Variants in CHRNB2 observed in about 807,000 individuals in gnomAD.
The protein encoded by CHRNB2 is neuronal acetylcholine receptor subunit beta-2.
Under a neutral mutation model 42.7 loss-of-function variants are expected in CHRNB2, and 33 were observed. That is an observed-to-expected ratio of 0.77 (90% CI 0.59 to 1.03). The LOEUF (loss-of-function observed/expected upper bound fraction) is 1.03, where lower values mean the gene tolerates loss of function less well. Among genes scored for constraint, CHRNB2 ranks in the 50% least tolerant of loss-of-function variants. The pLI is 0.00. For synonymous variants in CHRNB2, 325 were observed against 292.9 expected (o/e 1.11, Z -1.12); for missense variants, 603 against 700.9 (o/e 0.86, Z 1.58).
chr1:154,569,871 G>A, intron 3 of CHRNB2, 35 bp downstream of exon 3: 3 of 1,612,842 alleles, frequency 1.9e-6, no homozygotes, highest in Non-Finnish European at 2.5e-6. Context: ...CCACACCCCT[G>A]GCCTTCTCTC....
At position 154,572,118 on chromosome 1, in the gene CHRNB2, G is replaced by T. The variant is rs747248135; in HGVS notation, c.1295G>T (p.Arg432Leu). ...CTCCGGGAGGCGGTGGACGGCGTGC[G>T]CTTCATCGCAGACCACATGCGGAGC... Reference protein sequence around the residue: ...CGLREAVDGVRFIADHMRSED... With the variant: ...CGLREAVDGVLFIADHMRSED... The change falls in exon 5 of 6, where the codon CGC becomes CTC. Residue 432 changes from arginine to leucine, a missense_variant. By Grantham distance (102) the Arg-to-Leu change is moderately radical (BLOSUM62 -2). This residue lies in a region of CHRNB2 where 270 missense variants were observed against 248.3 expected (regional missense o/e 1.09). Coordinates refer to ENST00000368476, the MANE Select transcript of CHRNB2 (RefSeq NM_000748.3). 1.2e-5 allele frequency: 19 copies of T among 1,537,498 alleles called. No individual in the cohort carries two copies. The highest frequency in any genetic ancestry group is 1.7e-5 in the Non-Finnish European group (19 of 1,146,650).
chr1:154,570,191 T>C, intron 3 of CHRNB2, 67 bp from the exon 4 acceptor site: 1 of 1,063,756 alleles, frequency 9.4e-7, no homozygotes, highest in South Asian at 1.3e-5. Context: ...CCCCTCTAGT[T>C]CGTTTCCTTA....
At chr1:154,573,005 C>A (rs1293231295) in intron 5 of CHRNB2, among the ~76,000 whole-genome samples, 2 of 152,198 alleles carry the variant, frequency 1.3e-5, no homozygotes, top group East Asian at 1.9e-4. Context: ...CAGGCTGAGG[C>A]TCAGCTGTTG....
chr1:154,570,345 C>T lies in CHRNB2; in HGVS notation c.343C>T (p.Pro115Ser). 6.2e-7 allele frequency: 1 copy of T among 1,610,346 alleles called. No individual in the cohort carries two copies. The highest frequency in any genetic ancestry group is 8.5e-7 in the Non-Finnish European group (1 of 1,177,672). Residue 115 changes from proline (P) to serine (S), a missense_variant, in exon 4 of 6, where the codon CCA (proline) becomes TCA (serine). Physicochemically the swap from Pro to Ser is moderately conservative, Grantham distance 74 (BLOSUM62 -1). Coordinates refer to ENST00000368476, the MANE Select transcript of CHRNB2 (RefSeq NM_000748.3). The part of the protein sequence containing the change: ...VRLPSKHIWL[P>S]DVVLYNNADG... The stretch of plus-strand genomic sequence containing the variant: ...GCTCCCTTCCAAACACATCTGGCTC[C>T]CAGATGTGGTCCTGTACAACAAGTA...
At chr1:154,570,419 A>T in intron 4 of CHRNB2, 52 bp downstream of exon 4, 1 of 1,108,994 alleles carries the variant, frequency 9.0e-7, no homozygotes, top group Non-Finnish European at 1.4e-6. Context: ...CAGGGAGGGA[A>T]GGGGTTCTGG....
Position 154,571,794 on chromosome 1 carries a change from G to A in CHRNB2, c.971G>A (p.Arg324His). Residue 324 changes from arginine (R) to histidine (H), a missense_variant, in exon 5 of 6, where the codon CGC (arginine) becomes CAC (histidine). Physicochemically the swap from Arg to His is conservative, Grantham distance 29. Coordinates refer to ENST00000368476, the MANE Select transcript of CHRNB2 (RefSeq NM_000748.3). This position sits in a 1 kb window ranked among gnomAD's most constrained non-coding sequence, Gnocchi z 6.8. ...TSVCVLNVHH[R>H]SPTTHTMAPW... ...GTGTGCGTGCTCAACGTGCACCACCGCTCGCCCACCACGCACACCATGGCG... is the reference window on the plus strand; with the variant it reads ...GTGTGCGTGCTCAACGTGCACCACCACTCGCCCACCACGCACACCATGGCG... The A allele has an allele frequency of 6.2e-7, 1 of 1,614,030 alleles. No individual in the cohort carries two copies. The highest frequency in any genetic ancestry group is 8.5e-7 in the Non-Finnish European group (1 of 1,180,034).
At position 154,571,973 on chromosome 1, in the gene CHRNB2, G is replaced by A. The variant is rs2101522239; in HGVS notation, c.1150G>A (p.Ala384Thr). 1 of 1,539,170 alleles carries A rather than the reference G, an allele frequency of 6.5e-7. No homozygotes were observed. The highest frequency in any genetic ancestry group is 8.7e-7 in the Non-Finnish European group (1 of 1,147,492). ...CCTCTTCTTCCGCGAAGCCCCAGGG[G>A]CCGACTCCTGCACGTGCTTCGTCAA... is the stretch of plus-strand genomic sequence containing the variant. ...GALFFREAPG[A>T]DSCTCFVNRA... Residue 384 changes from alanine (A) to threonine (T), a missense_variant, in exon 5 of 6, where the codon GCC becomes ACC. Physicochemically the swap from Ala to Thr is moderately conservative, Grantham distance 58. This residue lies in a region of CHRNB2 where 270 missense variants were observed against 248.3 expected (regional missense o/e 1.09). Transcript: ENST00000368476. The surrounding 1 kb of genome is among the most constrained non-coding windows in gnomAD (Gnocchi z 6.8).
Position 154,576,090 on chromosome 1 carries a change from T to C in CHRNB2, c.*158T>C. 1.1e-6 allele frequency: 1 copy of C among 882,008 alleles called. No individual in the cohort carries two copies. The highest frequency in any genetic ancestry group is 1.6e-5 in the African/African-American group (1 of 60,702). The allele number at this position is 882,008 out of a possible 1,614,324, so 54.6% of individuals were successfully genotyped here. A position where few individuals can be genotyped will look rare whatever the true frequency, so the allele number is the denominator to read the frequency against. ...GAGTCCCTCCTCCCCCACGCCTCCA[T>C]CCACACACAGCAGCTCCAACCTGGA... On this transcript the variant is annotated 3_prime_UTR_variant, in exon 6 of 6. Coordinates refer to ENST00000368476, the MANE Select transcript of CHRNB2 (RefSeq NM_000748.3).
At chr1:154,570,496 C>G in intron 4 of CHRNB2, 129 bp downstream of exon 4, 1 of 688,186 alleles carries the variant, frequency 1.5e-6, no homozygotes, top group Non-Finnish European at 2.6e-6. Context: ...TAGTCACTAC[C>G]TAGACAGACA....
intron 1 of CHRNB2, among the ~76,000 whole-genome samples, chr1:154,568,998 T>G (rs1696112509): frequency 6.6e-6 from 1 of 151,640 alleles, no homozygotes; most frequent in Admixed American, 6.6e-5. Flanking sequence ...CAGTTATTTG[T>G]GTCCCACCAC....
chr1:154,570,117 A>C, intron 3 of CHRNB2, 141 bp from the exon 4 acceptor site: 1 of 725,166 alleles, frequency 1.4e-6, no homozygotes, highest in South Asian at 1.5e-5. Flanking sequence ...GCCATACCTG[A>C]TGGGCAGAGA....
In CHRNB2 at chr1:154,568,061, G is replaced by A. The variant is rs1304588530; in HGVS notation, c.17G>A (p.Gly6Asp). 1 of 1,601,232 alleles carries A rather than the reference G, an allele frequency of 6.2e-7. No individual in the cohort carries two copies. Among genetic ancestry groups the A allele is most frequent in the Non-Finnish European group, 8.5e-7 (1 of 1,175,422 alleles). The change falls in exon 1 of 6, where the codon GGC becomes GAC. Residue 6 changes from glycine to aspartate, a missense_variant. Transcript: ENST00000368476. MARRC[G>D]PVALLLGFGL... ...GCCCGCGGCATGGCCCGGCGCTGCG[G>A]CCCCGTGGCGCTGCTCCTTGGCTTC...
rs527768017 is a variant in CHRNB2, at chr1:154,572,001, G to A, written c.1178G>A (p.Arg393His). 5 of 1,535,144 alleles carry A rather than the reference G, an allele frequency of 3.3e-6. No individual in the cohort carries two copies. The highest frequency in any genetic ancestry group is 1.2e-5 in the South Asian group (1 of 83,976). The change falls in exon 5 of 6, where the codon CGC becomes CAC. Residue 393 changes from arginine to histidine, a missense_variant. Arg to His is a conservative substitution (Grantham distance 29, BLOSUM62 0). This residue lies in a region of CHRNB2 where 270 missense variants were observed against 248.3 expected (regional missense o/e 1.09). Coordinates refer to ENST00000368476, the MANE Select transcript of CHRNB2 (RefSeq NM_000748.3). ...GACTCCTGCACGTGCTTCGTCAACC[G>A]CGCGTCGGTGCAGGGGTTGGCCGGG... is the stretch of plus-strand genomic sequence containing the variant. ...GADSCTCFVN[R>H]ASVQGLAGAF...
Position 154,575,762 on chromosome 1 carries a change from G to A in CHRNB2, c.1339G>A (p.Val447Met), listed in dbSNP as rs749633440. 1.2e-6 allele frequency: 2 copies of A among 1,614,078 alleles called. No individual in the cohort carries two copies. Among genetic ancestry groups the A allele is most frequent in the South Asian group, 2.2e-5 (2 of 91,082 alleles). The change falls in exon 6 of 6, where the codon GTG becomes ATG. Residue 447 changes from valine to methionine, a missense_variant and splice_region_variant. By Grantham distance (21) the Val-to-Met change is conservative (BLOSUM62 1). Around this residue, in one of 2 missense-constraint regions of CHRNB2, gnomAD observed 270 missense variants for 248.3 expected, o/e 1.09. Coordinates refer to ENST00000368476, the MANE Select transcript of CHRNB2 (RefSeq NM_000748.3). ...GGCCTCCTCCGTCTCCTCCATCCAG[G>A]TGAGTGAGGACTGGAAGTACGTCGC... ...HMRSEDDDQS[V>M]SEDWKYVAMV...
chr1:154,572,060 CCCGGGCG>C lies in CHRNB2; in HGVS notation c.1239_1245del (p.Gly414GlnfsTer32). The C allele has an allele frequency of 6.5e-7, 1 of 1,534,702 alleles. No homozygotes were observed. The highest frequency in any genetic ancestry group is 8.7e-7 in the Non-Finnish European group (1 of 1,145,832). On this transcript the variant is annotated frameshift_variant, in exon 5 of 6. Transcript: ENST00000368476. LOFTEE classifies it high-confidence loss of function. ...GGCTGAGCCTGCACCAGTGGCGGGC[CCCGGGCG>C]CTCAGGGGAGCCGTGTGGCTGTGGC...
At position 154,572,067 on chromosome 1, in the gene CHRNB2, G is replaced by A. The variant is rs971173003; in HGVS notation, c.1244G>A (p.Arg415His). The A allele has an allele frequency of 6.5e-6, 10 of 1,534,986 alleles. No individual in the cohort carries two copies. Among genetic ancestry groups the A allele is most frequent in the East Asian group, 2.4e-5 (1 of 40,874 alleles). ...CCTGCACCAGTGGCGGGCCCCGGGC[G>A]CTCAGGGGAGCCGTGTGGCTGTGGC... ...AEPAPVAGPG[R>H]SGEPCGCGLR... The change falls in exon 5 of 6, where the codon CGC becomes CAC. Residue 415 changes from arginine to histidine, a missense_variant. By Grantham distance (29) the Arg-to-His change is conservative. This residue lies in a region of CHRNB2 where 270 missense variants were observed against 248.3 expected (regional missense o/e 1.09). Transcript: ENST00000368476.
Position 154,576,446 on chromosome 1 carries a change from C to T in CHRNB2, c.*514C>T, listed in dbSNP as rs1391756353. On this transcript the variant is annotated 3_prime_UTR_variant, in exon 6 of 6. Coordinates refer to ENST00000368476, the MANE Select transcript of CHRNB2 (RefSeq NM_000748.3). ...GCTGCTTGAGTGGACAGCAGCTGGA[C>T]TGGGTGGGCCCCACAGTGGTCAGCG... 8.3e-6 allele frequency: 2 copies of T among 239,598 alleles called. No individual in the cohort carries two copies. Among genetic ancestry groups the T allele is most frequent in the South Asian group, 5.6e-5 (1 of 17,740 alleles). 14.8% of individuals were successfully genotyped at this position (239,598 alleles called of 1,614,324 possible).
At chr1:154,573,133 G>T (rs1183567413) in intron 5 of CHRNB2, among the ~76,000 whole-genome samples, 1 of 152,186 alleles carries the variant, frequency 6.6e-6, no homozygotes, top group African/African-American at 2.4e-5. Context: ...AGATGGGTTG[G>T]AGCTGAAGCT....
chr1:154,571,228 C>T lies in CHRNB2; in HGVS notation c.405C>T (p.Ala135=), dbSNP rs777250519. 44 of 1,614,066 alleles carry T rather than the reference C, an allele frequency of 2.7e-5. No homozygotes were observed. Among genetic ancestry groups the T allele is most frequent in the Non-Finnish European group, 3.4e-5 (40 of 1,180,056 alleles). ...ACGAGGTGTCCTTCTATTCCAATGC[C>T]GTGGTCTCCTATGATGGCAGCATCT... The part of the protein sequence containing the change: ...GMYEVSFYSN[A]VVSYDGSIFW... The change falls in exon 5 of 6, where the codon GCC becomes GCT. Residue 135 remains alanine, a synonymous_variant. Coordinates refer to ENST00000368476, the MANE Select transcript of CHRNB2 (RefSeq NM_000748.3). This position sits in a 1 kb window ranked among gnomAD's most constrained non-coding sequence, Gnocchi z 6.8.
Sources: gnomAD v4.1 joint callset for allele counts (sites outside exome capture counted in the v4.1 genomes callset) on GRCh38, gnomAD v4.1.1 for gene constraint, gnomAD v4.1.1 regional missense constraint, Gnocchi (gnomAD v3.1) non-coding constraint, MANE v1.5 for transcripts, NCBI Gene and HGNC (gene_info 2026-07-23, HGNC 2026-07-21) for gene names.